The following RPH3A variants were observed in gnomAD, a reference collection of about 807,000 sequenced individuals.
The protein encoded by RPH3A is rabphilin 3A.
In RPH3A, 48 loss-of-function variants were observed where a neutral mutation model predicts 102.2. That is an observed-to-expected ratio of 0.47 (90% CI 0.37 to 0.60). The LOEUF (loss-of-function observed/expected upper bound fraction) is 0.60, where lower values mean the gene tolerates loss of function less well. Among genes scored for constraint, RPH3A ranks in the 20% least tolerant of loss-of-function variants. The pLI is 0.00. For missense variants in RPH3A, 781 were observed against 910.1 expected, an observed-to-expected ratio of 0.86 and a Z score of 1.83; for synonymous variants, 310 against 324.3, an observed-to-expected ratio of 0.96 and a Z score of 0.47.
chr12:112,821,404 C>A (rs2041776106), intron 2 of RPH3A, among the ~76,000 whole-genome samples: 1 of 152,130 alleles, frequency 6.6e-6, no homozygotes, highest in African/African-American at 2.4e-5. Context: ...CATGATCTGA[C>A]ACCCACCCCC....
intron 8 of RPH3A, 93 bp from the exon 9 acceptor site, chr12:112,869,666 T>C: frequency 8.7e-7 from 1 of 1,151,260 alleles, no homozygotes; most frequent in African/African-American, 1.5e-5. Context: ...TCTTAGGCAA[T>C]AGTCAATGAA....
At chr12:112,726,697 A>G (rs751065294) in intron 1 of RPH3A, among the ~76,000 whole-genome samples, 3 of 152,200 alleles carry the variant, frequency 2.0e-5, no homozygotes, top group Non-Finnish European at 4.4e-5. Context: ...ATTTTATCTC[A>G]AAGTATTTTA....
intron 1 of RPH3A, among the ~76,000 whole-genome samples, chr12:112,744,676 C>T (rs755629069): frequency 2.0e-5 from 3 of 152,240 alleles, no homozygotes; most frequent in East Asian, 1.9e-4. Context: ...CTATTAGCCC[C>T]ATTCTACAGA....
At chr12:112,645,396 G>A (rs141788559) in intron 1 of RPH3A, among the ~76,000 whole-genome samples, 2 of 152,216 alleles carry the variant, frequency 1.3e-5, no homozygotes, top group African/African-American at 4.8e-5. Context: ...ATTTTCTGGG[G>A]TATAAATCAC....
chr12:112,663,537 T>G (rs1200570981), intron 1 of RPH3A, among the ~76,000 whole-genome samples: 1 of 152,078 alleles, frequency 6.6e-6, no homozygotes, highest in African/African-American at 2.4e-5. Flanking sequence ...TATTATTTTT[T>G]ATAGAGACAG....
intron 2 of RPH3A, among the ~76,000 whole-genome samples, chr12:112,798,696 T>C (rs12823885): frequency 6.6e-6 from 1 of 152,176 alleles, no homozygotes; most frequent in Non-Finnish European, 1.5e-5. Context: ...TTTTCCTCTG[T>C]CACTGTGGTG....
chr12:112,881,710 C>A, intron 14 of RPH3A, 62 bp from the exon 15 acceptor site: 1 of 1,239,828 alleles, frequency 8.1e-7, no homozygotes, highest in Non-Finnish European at 1.2e-6. Flanking sequence ...TGCCCATTGC[C>A]GATGACAGCT....
intron 2 of RPH3A, among the ~76,000 whole-genome samples, chr12:112,822,526 G>A (rs530193267): frequency 6.6e-6 from 1 of 152,210 alleles, no homozygotes; most frequent in Non-Finnish European, 1.5e-5. Flanking sequence ...GGAGAGCCAG[G>A]GGAGAAGCAG....
chr12:112,769,998 G>A (rs983093102), intron 1 of RPH3A, among the ~76,000 whole-genome samples: 2 of 152,152 alleles, frequency 1.3e-5, no homozygotes, highest in African/African-American at 4.8e-5. Context: ...TTCAAAGACT[G>A]TACAGATACT....
intron 5 of RPH3A, among the ~76,000 whole-genome samples, chr12:112,848,956 A>T (rs56373596): frequency 1.2e-3 from 177 of 152,226 alleles, no homozygotes; most frequent in African/African-American, 4.1e-3. Context: ...CCTAGACCCG[A>T]ATATCAAACA....
At position 112,870,003 on chromosome 12, in the gene RPH3A, A is replaced by G; in HGVS notation, c.760A>G (p.Ser254Gly). The change falls in exon 10 of 22, where the codon AGT (serine) becomes GGT (glycine). Residue 254 changes from serine to glycine, a missense_variant. Around this residue, in one of 2 missense-constraint regions of RPH3A, gnomAD observed 730 missense variants for 810.0 expected, o/e 0.90. Transcript: ENST00000389385. ...CCGAGATTCAGAGAGCTGGGACCAC[A>G]GTGGGGGTGCTGGAGACTCCAGCCG... ...SSRDSESWDH[S>G]GGAGDSSRSP... 1 of 1,614,098 alleles carries G rather than the reference A, an allele frequency of 6.2e-7. No homozygotes were observed. Among genetic ancestry groups the G allele is most frequent in the Non-Finnish European group, 8.5e-7 (1 of 1,180,006 alleles).
rs577066847 is a variant in RPH3A at position 112,655,994 on chromosome 12, T to A, written c.-140+80675T>A. 4.6e-5 allele frequency among the ~76,000 whole-genome samples: 7 copies of A among 152,266 alleles called. No homozygotes were observed. The South Asian group carries it at 1.5e-3, about 32-fold the overall frequency. ...ATGCTTGCCTAGTGAGCAACAACCA[T>A]CACTTTCAATTTCATTTTTTCATTT... On this transcript the variant is annotated intron_variant, in intron 1 of 21. Transcript: ENST00000543106.
chr12:112,726,084 C>T (rs914281804), intron 1 of RPH3A, among the ~76,000 whole-genome samples: 12 of 147,654 alleles, frequency 8.1e-5, no homozygotes, highest in South Asian at 4.4e-4. Flanking sequence ...CGTGAGCCAC[C>T]GCACCCAGCC....
intron 1 of RPH3A, among the ~76,000 whole-genome samples, chr12:112,703,137 T>G (rs1317015775): frequency 1.3e-5 from 2 of 152,334 alleles, no homozygotes; most frequent in African/African-American, 4.8e-5. Flanking sequence ...CTTTTGCACC[T>G]TTGCCATTGC....
intron 1 of RPH3A, among the ~76,000 whole-genome samples, chr12:112,653,132 TGTAATCCCA>T (rs1178200300): frequency 1.3e-5 from 2 of 152,138 alleles, no homozygotes; most frequent in Non-Finnish European, 2.9e-5. Context: ...GGCTCACACC[TGTAATCCCA>T]GCACTTTGGG....
In RPH3A at chr12:112,663,090, A is replaced by AAG. The variant is rs1265071786; in HGVS notation, c.-140+87786_-140+87787dup. ...TGTGTGTGTGTGTGTGTGTGTGTGAAAGAGAGAGAGAGAGAGCGAGAGAGA... is the reference window on the plus strand; with the variant it reads ...TGTGTGTGTGTGTGTGTGTGTGTGAAAGAGAGAGAGAGAGAGAGCGAGAGAGA... On this transcript the variant is annotated intron_variant, in intron 1 of 21. Coordinates refer to the RPH3A transcript ENST00000543106. 1.0e-2 allele frequency among the ~76,000 whole-genome samples: 789 copies of AAG among 79,216 alleles called. 8 individuals carry two copies. Among genetic ancestry groups the AAG allele is most frequent in the African/African-American group, 0.038 (743 of 19,578 alleles). 52.0% of individuals were successfully genotyped at this position (79,216 alleles called of 152,430 possible).
intron 1 of RPH3A, among the ~76,000 whole-genome samples, chr12:112,704,229 C>T (rs1177676870): frequency 6.6e-6 from 1 of 152,154 alleles, no homozygotes; most frequent in African/African-American, 2.4e-5. Context: ...CCTGGGACTA[C>T]AGGCGTAAGC....
At chr12:112,678,057 C>A (rs1276590462) in intron 1 of RPH3A, among the ~76,000 whole-genome samples, 1 of 151,616 alleles carries the variant, frequency 6.6e-6, no homozygotes, top group Non-Finnish European at 1.5e-5. Context: ...ATTAGCCAGG[C>A]ATGGTGGTGC....
chr12:112,722,433 C>T (rs2040557888), intron 1 of RPH3A, among the ~76,000 whole-genome samples: 1 of 152,184 alleles, frequency 6.6e-6, no homozygotes, highest in Non-Finnish European at 1.5e-5. Context: ...TCTGTACATT[C>T]TAAGGAATGT....
Sources: gnomAD v4.1 joint callset for allele counts (sites outside exome capture counted in the v4.1 genomes callset) on GRCh38, gnomAD v4.1.1 for gene constraint, gnomAD v4.1.1 regional missense constraint, MANE v1.5 for transcripts, NCBI Gene and HGNC (gene_info 2026-07-23, HGNC 2026-07-21) for gene names.